PDE3B: variants seen among roughly 807,000 people sequenced by gnomAD.
PDE3B encodes cGMP-inhibited 3',5'-cyclic phosphodiesterase 3B.
Under a neutral mutation model 116.8 loss-of-function variants are expected in PDE3B, and 66 were observed. The ratio of observed to expected loss-of-function variants is 0.56; its 90% CI spans 0.46 to 0.69. PDE3B has a LOEUF of 0.69. PDE3B is among the 30% of genes least tolerant of loss of function. PDE3B has a pLI of 0.00. For missense variants in PDE3B, 1,384 were observed against 1,368.1 expected (o/e 1.01, Z -0.18); for synonymous variants, 595 against 533.6 (o/e 1.12, Z -1.59).
At chr11:14,830,119 A>G (rs1316813889) in intron 7 of PDE3B, among the ~76,000 whole-genome samples, 1 of 152,044 alleles carries the variant, frequency 6.6e-6, no homozygotes, top group Admixed American at 6.6e-5. Flanking sequence ...TCTACTGTCG[A>G]TAGGTTTTGG....
At chr11:14,667,459 TAAAAA>T (rs903838641) in intron 1 of PDE3B, among the ~76,000 whole-genome samples, 1 of 143,108 alleles carries the variant, frequency 7.0e-6, no homozygotes, top group African/African-American at 2.6e-5. Context: ...TAAATTAAAT[TAAAAA>T]AAAGAAAATG....
At chr11:14,801,569 C>T (rs1254603103) in intron 4 of PDE3B, among the ~76,000 whole-genome samples, 2 of 152,316 alleles carry the variant, frequency 1.3e-5, no homozygotes, top group Non-Finnish European at 2.9e-5. Flanking sequence ...GGTGTCTGTC[C>T]GCCCCTACTG....
intron 2 of PDE3B, chr11:14,773,674 T>C (rs1261124678): frequency 6.6e-6 from 1 of 152,176 alleles, no homozygotes; most frequent in East Asian, 1.9e-4. Flanking sequence ...ATCATTTAGA[T>C]TTTCCATCTT....
chr11:14,890,444 G>T, the PDE3B span: 1 of 980,462 alleles, frequency 1.0e-6, no homozygotes, highest in East Asian at 1.1e-4. Context: ...TTATTATCTC[G>T]TCCAGCTTCC....
Position 14,847,700 on chromosome 11 carries a change from G to C in PDE3B, c.2520+3674G>C, listed in dbSNP as rs150797786. On this transcript the variant is annotated intron_variant, in intron 12 of 15. Coordinates refer to ENST00000282096, the MANE Select transcript of PDE3B (RefSeq NM_000922.4). ...AAATACAAACTGCCATCAGAGAATA[G>C]TACAAACAGCTCTAAGCAAATAAAC... Among the ~76,000 whole-genome samples the C allele has an allele frequency of 4.7e-3, 711 of 152,248 alleles. 4 individuals are homozygous for C. Among genetic ancestry groups the C allele is most frequent in the African/African-American group, 0.016 (647 of 41,534 alleles).
intron 7 of PDE3B, among the ~76,000 whole-genome samples, chr11:14,821,817 C>T (rs558780956): frequency 1.3e-5 from 2 of 151,992 alleles, no homozygotes; most frequent in East Asian, 3.9e-4. Flanking sequence ...CCAAATTTTA[C>T]AGGGGAGAAA....
At chr11:14,855,823 T>C (rs1451647983) in intron 12 of PDE3B, among the ~76,000 whole-genome samples, 1 of 152,234 alleles carries the variant, frequency 6.6e-6, no homozygotes, top group African/African-American at 2.4e-5. Flanking sequence ...TCAGCTAAGC[T>C]ACCATTTTAC....
chr11:14,891,489 C>A, the PDE3B span: 39 of 993,332 alleles, frequency 3.9e-5, no homozygotes, highest in East Asian at 4.2e-3. Flanking sequence ...TCACAGCAAA[C>A]GCCTACACCA....
intron 1 of PDE3B, among the ~76,000 whole-genome samples, chr11:14,747,797 A>C (rs1856954762): frequency 6.6e-6 from 1 of 152,184 alleles, no homozygotes; most frequent in African/African-American, 2.4e-5. Context: ...TTGCAAAAAT[A>C]ATGGATTGTT....
chr11:14,661,172 T>C (rs1185837378), intron 1 of PDE3B, among the ~76,000 whole-genome samples: 1 of 152,216 alleles, frequency 6.6e-6, no homozygotes, highest in Admixed American at 6.5e-5. Flanking sequence ...TTACTGGGTA[T>C]GTACCCAAAG....
the PDE3B span, among the ~76,000 whole-genome samples, chr11:14,881,126 TTTATC>T: frequency 6.6e-6 from 1 of 152,096 alleles, no homozygotes; most frequent in South Asian, 2.1e-4. Flanking sequence ...TGGACAAAGT[TTTATC>T]TTAGACTAAA....
intron 1 of PDE3B, among the ~76,000 whole-genome samples, chr11:14,658,824 T>C (rs1479848015): frequency 6.6e-6 from 1 of 152,234 alleles, no homozygotes; most frequent in African/African-American, 2.4e-5. Context: ...TTTGGGTTGA[T>C]AGGCCTTTCC....
intron 1 of PDE3B, among the ~76,000 whole-genome samples, chr11:14,725,111 A>G (rs1454571652): frequency 6.6e-6 from 1 of 152,096 alleles, no homozygotes; most frequent in African/African-American, 2.4e-5. Flanking sequence ...AAAATCAAGA[A>G]CTTCCTTCTT....
rs1201371669 is a variant in PDE3B, at chr11:14,853,011, C to CTT, written c.2521-6017_2521-6016dup. On this transcript the variant is annotated intron_variant, in intron 12 of 15. Transcript: ENST00000282096. ...TATTGGTCCCATTAAGTCTCTCTCTCTTTTTTTTTTTTTTTTAACTTACTC... is the reference window on the plus strand; with the variant it reads ...TATTGGTCCCATTAAGTCTCTCTCTCTTTTTTTTTTTTTTTTTTAACTTACTC... Among the ~76,000 whole-genome samples the CTT allele has an allele frequency of 5.6e-4, 80 of 142,738 alleles. 1 individual carries two copies. The highest frequency in any genetic ancestry group is 1.2e-3 in the East Asian group (6 of 4,926). 93.6% of individuals were successfully genotyped at this position (142,738 alleles called of 152,430 possible).
At chr11:14,846,928 C>G (rs1847617418) in intron 12 of PDE3B, among the ~76,000 whole-genome samples, 1 of 152,164 alleles carries the variant, frequency 6.6e-6, no homozygotes, top group Admixed American at 6.5e-5. Context: ...TTAGACAGAT[C>G]AATGAGACAG....
intron 12 of PDE3B, among the ~76,000 whole-genome samples, chr11:14,848,224 C>A (rs1847655875): frequency 7.2e-6 from 1 of 138,692 alleles, no homozygotes; most frequent in Non-Finnish European, 1.6e-5. Flanking sequence ...ATAAACAGAA[C>A]CAAAGACAAA....
intron 1 of PDE3B, among the ~76,000 whole-genome samples, chr11:14,695,652 C>T (rs978678890): frequency 1.3e-5 from 2 of 151,922 alleles, no homozygotes; most frequent in African/African-American, 4.8e-5. Context: ...TAGCTCTTTT[C>T]CCTAATGCTC....
intron 1 of PDE3B, among the ~76,000 whole-genome samples, chr11:14,680,441 C>T (rs1207385719): frequency 6.6e-6 from 1 of 152,082 alleles, no homozygotes; most frequent in Admixed American, 6.6e-5. Flanking sequence ...AATTAAACTG[C>T]CATGGAAACT....
intron 1 of PDE3B, among the ~76,000 whole-genome samples, chr11:14,648,006 G>T (rs986111515): frequency 4.0e-5 from 6 of 151,340 alleles, no homozygotes; most frequent in African/African-American, 7.3e-5. Context: ...GCTTTGGTGG[G>T]TTAATGGAAA....
Sources: gnomAD v4.1 joint callset for allele counts (sites outside exome capture counted in the v4.1 genomes callset) on GRCh38, gnomAD v4.1.1 for gene constraint, MANE v1.5 for transcripts, NCBI Gene and HGNC (gene_info 2026-07-23, HGNC 2026-07-21) for gene names.